Variants in NT5DC3 observed in about 807,000 individuals in gnomAD.
The protein encoded by NT5DC3 is 5'-nucleotidase domain containing 3.
In NT5DC3, 42 loss-of-function variants were observed where a neutral mutation model predicts 67.8. The observed-to-expected ratio is 0.62, with a 90% CI of 0.48 to 0.80. The LOEUF is 0.80. Among genes scored for constraint, NT5DC3 ranks in the 30% least tolerant of loss-of-function variants. NT5DC3 has a pLI of 0.00. For synonymous variants in NT5DC3, 237 were observed against 255.6 expected, an observed-to-expected ratio of 0.93 and a Z score of 0.69; for missense variants, 570 against 696.4, an observed-to-expected ratio of 0.82 and a Z score of 2.04.
rs1049207190 is a variant in NT5DC3 at position 103,841,216 on chromosome 12, C to T, written c.-60G>A. The T allele has an allele frequency of 1.1e-5, 6 of 531,450 alleles. No individual in the cohort carries two copies. Among genetic ancestry groups the T allele is most frequent in the African/African-American group, 1.0e-4 (5 of 48,540 alleles). 32.9% of individuals were successfully genotyped at this position (531,450 alleles called of 1,614,324 possible). A position where few individuals can be genotyped will look rare whatever the true frequency, so the allele number is the denominator to read the frequency against. On this transcript the variant is annotated 5_prime_UTR_variant, in exon 1 of 14. Transcript: ENST00000392876. ...GCTCTGCGACTGCTGCTGCCCGGCC[C>T]AAGATCTACCCGCGCTCTGCCCTGC...
At chr12:103,770,093 T>TTG (rs1885147045), downstream of NT5DC3, among the ~76,000 whole-genome samples, 1 of 152,226 alleles carries the variant, frequency 6.6e-6, no homozygotes, top group African/African-American at 2.4e-5. Flanking sequence ...AAGTAATTCA[T>TTG]AGAAAACATG....
chr12:103,781,251 A>G (rs1566098325), intron 12 of NT5DC3, among the ~76,000 whole-genome samples: 1 of 152,210 alleles, frequency 6.6e-6, no homozygotes, highest in African/African-American at 2.4e-5. Flanking sequence ...CTGGAGGAAA[A>G]CACCAAGCGG....
intron 10 of NT5DC3, among the ~76,000 whole-genome samples, chr12:103,787,867 T>A (rs1012044379): frequency 7.1e-6 from 1 of 141,776 alleles, no homozygotes; most frequent in Non-Finnish European, 1.5e-5. Flanking sequence ...CATTATCTAT[T>A]TTATAAGCAA....
Position 103,829,367 on chromosome 12 carries a change from A to C in NT5DC3, c.208+11582T>G, listed in dbSNP as rs546119467. 2.6e-5 allele frequency among the ~76,000 whole-genome samples: 4 copies of C among 152,372 alleles called. No homozygotes were observed. In the South Asian group the frequency reaches 8.3e-4, roughly 32 times the overall value. ...AGAGACATCAGGCTACAACTGGCCC[A>C]TGAACTGTGGTTTGCAACCTTTCTT... On this transcript the variant is annotated intron_variant, in intron 1 of 13. Transcript: ENST00000392876.
chr12:103,769,203 G>A (rs754923054), downstream of NT5DC3, among the ~76,000 whole-genome samples: 7 of 152,166 alleles, frequency 4.6e-5, no homozygotes, highest in Admixed American at 1.3e-4. Context: ...ACCCAGATGG[G>A]CTTAGCCTAC....
Position 103,785,415 on chromosome 12 carries a change from G to T in NT5DC3, c.1249C>A (p.Leu417Ile). Residue 417 changes from leucine (L) to isoleucine (I), a missense_variant, in exon 12 of 14, where the codon CTC becomes ATC. Physicochemically the swap from Leu to Ile is conservative, Grantham distance 5. Transcript: ENST00000392876. ...GAIIPELRSE[L>I]KIMNTEQYIQ... ...TATTGCTCCGTGTTCATGATTTTGAGCTCAGATCTCAACTCTGGGATGATT... is the reference window on the plus strand; with the variant it reads ...TATTGCTCCGTGTTCATGATTTTGATCTCAGATCTCAACTCTGGGATGATT... The T allele has an allele frequency of 6.2e-7, 1 of 1,613,980 alleles. No individual in the cohort carries two copies. Among genetic ancestry groups the T allele is most frequent in the Non-Finnish European group, 8.5e-7 (1 of 1,179,882 alleles).
chr12:103,793,980 G>T lies in NT5DC3; in HGVS notation c.771C>A (p.Val257=). 2 of 1,613,698 alleles carry T rather than the reference G, an allele frequency of 1.2e-6. No homozygotes were observed. Among genetic ancestry groups the T allele is most frequent in the Middle Eastern group, 1.7e-4 (1 of 6,060 alleles). ...YKDVKDSIRD[V]HIKGIMYRAI... The stretch of plus-strand genomic sequence containing the variant: ...CTCTGTACATTATTCCTTTGATGTG[G>T]ACGTCTCGAATTGAATCCTGCCAAA... Residue 257 remains valine, a synonymous_variant, in exon 7 of 14, where the codon GTC becomes GTA. Coordinates refer to ENST00000392876, the MANE Select transcript of NT5DC3 (RefSeq NM_001031701.3).
intron 4 of NT5DC3, among the ~76,000 whole-genome samples, chr12:103,799,079 G>A (rs1391907856): frequency 1.3e-5 from 2 of 152,190 alleles, no homozygotes; most frequent in Non-Finnish European, 2.9e-5. Flanking sequence ...GTCAAGATTA[G>A]AACCCAGGCT....
downstream of NT5DC3, among the ~76,000 whole-genome samples, chr12:103,771,887 A>C (rs1424192906): frequency 6.6e-6 from 1 of 152,202 alleles, no homozygotes; most frequent in Admixed American, 6.5e-5. Flanking sequence ...CCAAGTTTCC[A>C]GAAAATCGCC....
the NT5DC3 span, chr12:103,748,999 C>A: frequency 3.1e-6 from 5 of 1,614,036 alleles, no homozygotes; most frequent in Non-Finnish European, 4.2e-6. Flanking sequence ...GGGGGCTGTG[C>A]AAAGGTGGCC....
rs1425901593 is a variant in NT5DC3 at position 103,778,169 on chromosome 12, T to TAA, written c.1395-89_1395-88insTT. On this transcript the variant is annotated intron_variant, in intron 13 of 13. Coordinates refer to ENST00000392876, the MANE Select transcript of NT5DC3 (RefSeq NM_001031701.3). ...ACTGAAATCAAAATCACTTCTTTTT[T>TAA]TAAAAAAAAAAAATAGGACTCATTT... 316 of 1,122,166 alleles carry TAA rather than the reference T, an allele frequency of 2.8e-4. 1 individual carries two copies. The African/African-American group carries it at 4.2e-3, about 15-fold the overall frequency. The allele number at this position is 1,122,166 out of a possible 1,614,324, so 69.5% of individuals were successfully genotyped here.
chr12:103,768,960 T>TCC (rs1445328041), downstream of NT5DC3: 1 of 152,192 alleles, frequency 6.6e-6, no homozygotes, highest in East Asian at 1.9e-4. Flanking sequence ...CCCAGTGTCT[T>TCC]CCCACGCTGC....
intron 1 of NT5DC3, 22 bp downstream of exon 1, chr12:103,840,927 G>A (rs981322202): frequency 1.1e-5 from 14 of 1,325,282 alleles, no homozygotes; most frequent in African/African-American, 3.1e-5. Context: ...AGGCGCCGGG[G>A]CGGGGTCGCC....
At chr12:103,819,092 G>C (rs922929946) in intron 1 of NT5DC3, among the ~76,000 whole-genome samples, 3 of 152,156 alleles carry the variant, frequency 2.0e-5, no homozygotes, top group Admixed American at 6.5e-5. Context: ...AAACTACTAT[G>C]ATAAAAAATC....
intron 4 of NT5DC3, among the ~76,000 whole-genome samples, chr12:103,801,222 G>A (rs936183795): frequency 3.3e-5 from 5 of 151,926 alleles, no homozygotes; most frequent in Admixed American, 6.6e-5. Context: ...GAAACAAAGC[G>A]TCCCTTAGAA....
chr12:103,803,948 C>CT (rs1481196663), intron 4 of NT5DC3, among the ~76,000 whole-genome samples: 1 of 151,106 alleles, frequency 6.6e-6, no homozygotes, highest in Non-Finnish European at 1.5e-5. Flanking sequence ...AGAGCACAGA[C>CT]TCTGGACCCA....
At chr12:103,815,241 G>A (rs1887199785) in intron 1 of NT5DC3, 120 bp from the exon 2 acceptor site, 1 of 630,486 alleles carries the variant, frequency 1.6e-6, no homozygotes, top group Non-Finnish European at 2.6e-6. Flanking sequence ...TTGAAAATAT[G>A]CTGGTGAAGG....
Position 103,783,803 on chromosome 12 carries a change from A to AAT in NT5DC3, c.1329+1531_1329+1532insAT, listed in dbSNP as rs199995456. 0.016 allele frequency among the ~76,000 whole-genome samples: 2,427 copies of AAT among 152,084 alleles called. 189 individuals are homozygous for AAT. In the East Asian group the frequency reaches 0.25, roughly 16 times the overall value. Reference sequence around the variant, plus strand: ...AAACAAAATAAAACCAAAAAAAAAAAAAACCTCTTTCCAAAGCTAAAATAT... The same window carrying AAT: ...AAACAAAATAAAACCAAAAAAAAAAAATAAACCTCTTTCCAAAGCTAAAATAT... On this transcript the variant is annotated intron_variant, in intron 12 of 13. Coordinates refer to ENST00000392876, the MANE Select transcript of NT5DC3 (RefSeq NM_001031701.3).
At chr12:103,795,976 C>T (rs182411461) in intron 6 of NT5DC3, among the ~76,000 whole-genome samples, 2 of 152,330 alleles carry the variant, frequency 1.3e-5, no homozygotes, top group Admixed American at 6.5e-5. Flanking sequence ...CTGTTGCACA[C>T]GGTTTCACTT....
Sources: allele counts gnomAD v4.1 joint callset (sites outside exome capture counted in the v4.1 genomes callset), GRCh38; gene constraint gnomAD v4.1.1; transcripts MANE v1.5; gene names NCBI Gene and HGNC (gene_info 2026-07-23, HGNC 2026-07-21).